Variants in ITGA1 observed in about 807,000 individuals in gnomAD.
ITGA1 encodes integrin alpha-1.
ITGA1 carries 85 observed loss-of-function variants against 145.9 expected under a neutral mutation model. The ratio of observed to expected loss-of-function variants is 0.58; its 90% CI spans 0.49 to 0.70. The LOEUF is 0.70. ITGA1 is among the 30% of genes least tolerant of loss of function. The probability of loss-of-function intolerance (pLI) is 0.00; values close to 1 mark genes in which losing one functional copy is unlikely to be tolerated. For missense variants in ITGA1, 1,351 were observed against 1,418.7 expected (o/e 0.95, Z 0.77); for synonymous variants, 520 against 495.3 (o/e 1.05, Z -0.66).
At chr5:52,855,016 G>C (rs1283692615) in intron 2 of ITGA1, among the ~76,000 whole-genome samples, 1 of 152,168 alleles carries the variant, frequency 6.6e-6, no homozygotes, top group Non-Finnish European at 1.5e-5. Flanking sequence ...AAACTAACTT[G>C]CATTAAATTT....
chr5:52,929,248 C>T (rs1356237804), intron 20 of ITGA1, among the ~76,000 whole-genome samples: 3 of 152,122 alleles, frequency 2.0e-5, no homozygotes, highest in Non-Finnish European at 4.4e-5. Flanking sequence ...ATAGCAGAAC[C>T]AGGAAGGCAG....
rs1363410509 is a variant in ITGA1 at position 52,864,956 on chromosome 5, A to C, written c.385-15A>C. ...TCAGTCTAATGATTTCTAATTTTAA[A>C]ACAATTTTTTAAAGGCTTGTGGGCC... On this transcript the variant is annotated splice_polypyrimidine_tract_variant and intron_variant, in intron 4 of 28. Coordinates refer to ENST00000282588, the MANE Select transcript of ITGA1 (RefSeq NM_181501.2). The C allele has an allele frequency of 2.5e-6, 4 of 1,597,314 alleles. No individual in the cohort carries two copies. The South Asian group carries it at 4.5e-5, about 18-fold the overall frequency.
At chr5:52,941,105 T>A (rs1206923023) in intron 26 of ITGA1, among the ~76,000 whole-genome samples, 1 of 152,204 alleles carries the variant, frequency 6.6e-6, no homozygotes, top group Non-Finnish European at 1.5e-5. Context: ...GCAAAGGACA[T>A]GATTTTGTTC....
intron 1 of ITGA1, among the ~76,000 whole-genome samples, chr5:52,842,437 T>C (rs905137437): frequency 3.3e-5 from 5 of 152,198 alleles, no homozygotes; most frequent in African/African-American, 9.6e-5. Context: ...TGTTTCAAGA[T>C]ACAGTCATCA....
chr5:52,932,289 C>T (rs992316225), intron 22 of ITGA1, 153 bp downstream of exon 22: 10 of 577,382 alleles, frequency 1.7e-5, no homozygotes, highest in South Asian at 4.7e-5. Context: ...ATCAGAAACT[C>T]GGAGGATGGG....
chr5:52,909,320 C>A (rs1243964467), intron 13 of ITGA1, among the ~76,000 whole-genome samples: 2 of 151,914 alleles, frequency 1.3e-5, no homozygotes, highest in Non-Finnish European at 2.9e-5. Flanking sequence ...GCTAAATAAA[C>A]CCACAAGGCT....
chr5:52,800,606 C>T, intron 1 of ITGA1: 1 of 1,613,658 alleles, frequency 6.2e-7, no homozygotes, highest in Non-Finnish European at 8.5e-7. Context: ...TGCGTGGAGG[C>T]CATCGACTTC....
At chr5:52,854,842 A>C (rs1749482325) in intron 2 of ITGA1, among the ~76,000 whole-genome samples, 1 of 152,176 alleles carries the variant, frequency 6.6e-6, no homozygotes, top group South Asian at 2.1e-4. Flanking sequence ...TTCATGGAGA[A>C]AAGTGTTTCT....
chr5:52,850,900 T>C (rs971952016), intron 2 of ITGA1, among the ~76,000 whole-genome samples: 3 of 152,196 alleles, frequency 2.0e-5, no homozygotes, highest in African/African-American at 7.2e-5. Context: ...GAATTATACC[T>C]TCAATTCAGG....
At position 52,906,220 on chromosome 5, in the gene ITGA1, G is replaced by C. The variant is rs76560463; in HGVS notation, c.1455+312G>C. On this transcript the variant is annotated intron_variant, in intron 12 of 28. Transcript: ENST00000282588. ...AGACAATACAGTCAGAATATGATGG[G>C]ATTGCTTTAAGCTAGGATTGGTGCA... Among the ~76,000 whole-genome samples the C allele has an allele frequency of 7.6e-3, 1,161 of 152,290 alleles. 8 individuals are homozygous for C. The highest frequency in any genetic ancestry group is 0.013 in the Non-Finnish European group (886 of 68,008).
intron 1 of ITGA1, among the ~76,000 whole-genome samples, chr5:52,843,484 G>A (rs1477795427): frequency 6.6e-6 from 1 of 152,140 alleles, no homozygotes; most frequent in Non-Finnish European, 1.5e-5. Context: ...CTAGTCCAAA[G>A]ACAGAATTTC....
chr5:52,858,755 G>A (rs1201719276), intron 2 of ITGA1, among the ~76,000 whole-genome samples: 10 of 151,916 alleles, frequency 6.6e-5, no homozygotes, highest in South Asian at 2.1e-4. Context: ...TTTCAACATC[G>A]ATGTTAGTTG....
chr5:52,848,041 C>T (rs549165750), intron 1 of ITGA1, among the ~76,000 whole-genome samples: 176 of 152,268 alleles, frequency 1.2e-3, no homozygotes, highest in African/African-American at 4.0e-3. Flanking sequence ...AGAATTAACC[C>T]TCATCAAATA....
intron 28 of ITGA1, among the ~76,000 whole-genome samples, chr5:52,950,474 C>T (rs1323359044): frequency 1.3e-5 from 2 of 152,084 alleles, no homozygotes; most frequent in East Asian, 3.9e-4. Context: ...TCATTAGAGC[C>T]TTTGCCATAG....
chr5:52,949,332 C>T (rs1002689688), intron 28 of ITGA1, among the ~76,000 whole-genome samples: 27 of 152,140 alleles, frequency 1.8e-4, no homozygotes, highest in African/African-American at 5.8e-4. Flanking sequence ...AAGTATATTT[C>T]CCAAAGACAC....
At chr5:52,911,010 A>ATGTATACTATATATATATAGTATG (rs1750508430) in intron 14 of ITGA1, among the ~76,000 whole-genome samples, 1 of 16,360 alleles carries the variant, frequency 6.1e-5, no homozygotes, top group Non-Finnish European at 1.1e-4. Context: ...TGTATACTGT[A>ATGTATACTATATATATATAGTATG]TATACTATAT....
At chr5:52,901,862 C>A (rs543036940) in intron 11 of ITGA1, 10 of 152,098 alleles carry the variant, frequency 6.6e-5, no homozygotes, top group Non-Finnish European at 1.2e-4. Flanking sequence ...ATTTTCTTTT[C>A]TGTTTCAGAA....
chr5:52,919,401 C>G (rs1750699456), intron 16 of ITGA1, among the ~76,000 whole-genome samples: 1 of 152,094 alleles, frequency 6.6e-6, no homozygotes, highest in African/African-American at 2.4e-5. Context: ...CAGACTTGTT[C>G]TGTGTGTGTG....
At position 52,910,276 on chromosome 5, in the gene ITGA1, G is replaced by C; in HGVS notation, c.1714G>C (p.Gly572Arg). The C allele has an allele frequency of 6.2e-7, 1 of 1,613,918 alleles. No individual in the cohort carries two copies. Residue 572 changes from glycine to arginine, a missense_variant, in exon 14 of 29, where the codon GGA becomes CGA. Transcript: ENST00000282588. ...NKNEPCGARF[G>R]TAIAAVKDLN... ...AAATGAGCCATGCGGGGCTCGTTTT[G>C]GAACTGCAATTGCTGCTGTAAAAGA...
Sources: allele counts gnomAD v4.1 joint callset (sites outside exome capture counted in the v4.1 genomes callset), GRCh38; gene constraint gnomAD v4.1.1; transcripts MANE v1.5; gene names NCBI Gene and HGNC (gene_info 2026-07-23, HGNC 2026-07-21).